Variants in EBF1 observed in about 807,000 individuals in gnomAD.
The protein encoded by EBF1 is EBF transcription factor 1, also known as transcription factor COE1.
A neutral mutation model predicts 68.4 loss-of-function variants in EBF1; 10 were observed. The ratio of observed to expected loss-of-function variants is 0.15; its 90% CI spans 0.09 to 0.25. The LOEUF (loss-of-function observed/expected upper bound fraction) is 0.25, where lower values mean the gene tolerates loss of function less well. Among genes scored for constraint, EBF1 ranks in the 10% least tolerant of loss-of-function variants. EBF1 has a pLI of 1.00. For synonymous variants in EBF1, 298 were observed against 299.8 expected, an observed-to-expected ratio of 0.99 and a Z score of 0.06; for missense variants, 509 against 794.4, an observed-to-expected ratio of 0.64 and a Z score of 4.32.
chr5:158,800,929 G>T (rs1037861326), intron 8 of EBF1, among the ~76,000 whole-genome samples: 1 of 152,074 alleles, frequency 6.6e-6, no homozygotes, highest in Non-Finnish European at 1.5e-5. Context: ...GCAAATTTTT[G>T]ATTTAATTAA....
At chr5:158,704,588 A>G (rs965754294) in intron 15 of EBF1, among the ~76,000 whole-genome samples, 3 of 152,004 alleles carry the variant, frequency 2.0e-5, no homozygotes, top group Non-Finnish European at 4.4e-5. Flanking sequence ...CACTTCAGGG[A>G]TCCTTACACC....
At chr5:158,853,236 C>G (rs935495662) in intron 6 of EBF1, among the ~76,000 whole-genome samples, 1 of 152,200 alleles carries the variant, frequency 6.6e-6, no homozygotes. Context: ...AGCATAAACT[C>G]ATTCCACACT....
At chr5:158,713,811 A>G (rs1232402257) in intron 12 of EBF1, among the ~76,000 whole-genome samples, 3 of 152,238 alleles carry the variant, frequency 2.0e-5, no homozygotes, top group African/African-American at 7.2e-5. Context: ...AATTTGCTTG[A>G]AAACCTGAGA....
At chr5:158,785,733 G>A (rs866688943) in intron 9 of EBF1, among the ~76,000 whole-genome samples, 2 of 152,198 alleles carry the variant, frequency 1.3e-5, no homozygotes, top group Admixed American at 6.5e-5. Flanking sequence ...GGAGACTTTT[G>A]AAATTAAAGT....
At chr5:158,873,228 T>C (rs1797204209) in intron 6 of EBF1, among the ~76,000 whole-genome samples, 1 of 152,100 alleles carries the variant, frequency 6.6e-6, no homozygotes, top group African/African-American at 2.4e-5. Flanking sequence ...AGTGGGGATT[T>C]TACTGTCTAA....
intron 6 of EBF1, among the ~76,000 whole-genome samples, chr5:158,882,317 C>T (rs35278158): frequency 0.019 from 2,949 of 152,270 alleles, 47 homozygotes; most frequent in Non-Finnish European, 0.026. Context: ...GGTATAAAAG[C>T]AGCAAGTCGG....
intron 10 of EBF1, among the ~76,000 whole-genome samples, chr5:158,749,094 G>T (rs7731741): frequency 1.3e-5 from 2 of 152,116 alleles, no homozygotes; most frequent in Non-Finnish European, 2.9e-5. Context: ...GCCCTTCTAT[G>T]CCAGGAGAAG....
chr5:158,843,649 G>A (rs781193526), intron 6 of EBF1, among the ~76,000 whole-genome samples: 3 of 152,204 alleles, frequency 2.0e-5, no homozygotes, highest in African/African-American at 4.8e-5. Context: ...TGGAAAAGAC[G>A]CTCTGAAGGG....
At chr5:158,913,241 C>T (rs1806410168) in intron 6 of EBF1, among the ~76,000 whole-genome samples, 1 of 152,114 alleles carries the variant, frequency 6.6e-6, no homozygotes, top group African/African-American at 2.4e-5. Context: ...TTTTATATTA[C>T]TTTACTATTG....
chr5:158,962,808 C>G (rs1250172944), intron 6 of EBF1, among the ~76,000 whole-genome samples: 1 of 152,160 alleles, frequency 6.6e-6, no homozygotes, highest in Non-Finnish European at 1.5e-5. Context: ...CTTTCCACTT[C>G]TTTAAGGATG....
chr5:158,876,136 A>G (rs1460835753), intron 6 of EBF1, among the ~76,000 whole-genome samples: 4 of 152,186 alleles, frequency 2.6e-5, no homozygotes, highest in Admixed American at 6.5e-5. Context: ...TAGTTGAAAC[A>G]CTACGGCCAA....
intron 6 of EBF1, among the ~76,000 whole-genome samples, chr5:159,067,723 A>T (rs1462864861): frequency 6.6e-6 from 1 of 152,210 alleles, no homozygotes; most frequent in Non-Finnish European, 1.5e-5. Context: ...AATGATACTC[A>T]TTCACATAAG....
At chr5:158,919,353 G>A (rs966876281) in intron 6 of EBF1, among the ~76,000 whole-genome samples, 2 of 152,060 alleles carry the variant, frequency 1.3e-5, no homozygotes, top group Non-Finnish European at 2.9e-5. Flanking sequence ...AATCCCCGGA[G>A]AGGGTTATCT....
chr5:158,879,404 C>T (rs890372345), intron 6 of EBF1, among the ~76,000 whole-genome samples: 1 of 152,176 alleles, frequency 6.6e-6, no homozygotes, highest in East Asian at 1.9e-4. Context: ...AGTGGAAACA[C>T]TCTTGGGTGT....
chr5:158,777,330 C>A, intron 10 of EBF1, 83 bp downstream of exon 10: 1 of 1,328,168 alleles, frequency 7.5e-7, no homozygotes, highest in East Asian at 2.7e-5. Context: ...AAATAAAATA[C>A]ATGCTTTTAT....
chr5:159,050,403 G>A (rs943567000), intron 6 of EBF1, among the ~76,000 whole-genome samples: 5 of 151,972 alleles, frequency 3.3e-5, no homozygotes, highest in African/African-American at 1.2e-4. Flanking sequence ...CTCCCCTCCT[G>A]CCCAGGTGGC....
intron 6 of EBF1, among the ~76,000 whole-genome samples, chr5:158,980,988 G>A (rs1258624240): frequency 6.6e-6 from 1 of 152,044 alleles, no homozygotes; most frequent in African/African-American, 2.4e-5. Context: ...TAAAACCACT[G>A]CAAAAGTTTA....
At chr5:158,969,902 A>AAGAAAGAAAG (rs1561663374) in intron 6 of EBF1, among the ~76,000 whole-genome samples, 6 of 119,016 alleles carry the variant, frequency 5.0e-5, no homozygotes. Context: ...GAAAGAAAGA[A>AAGAAAGAAAG]AGAAAGAAAG....
chr5:159,086,438 C>T (rs1438012087), intron 4 of EBF1, among the ~76,000 whole-genome samples: 1 of 152,160 alleles, frequency 6.6e-6, no homozygotes, highest in Non-Finnish European at 1.5e-5. Context: ...ATGCTGCATC[C>T]AGTTATCACG....
Sources: allele counts gnomAD v4.1 joint callset (sites outside exome capture counted in the v4.1 genomes callset), GRCh38; gene constraint gnomAD v4.1.1; transcripts MANE v1.5; gene names NCBI Gene and HGNC (gene_info 2026-07-23, HGNC 2026-07-21).